The following GALNT17 variants were observed in gnomAD, a reference collection of about 807,000 sequenced individuals.
The protein encoded by GALNT17 is UDP-GalNAc:polypeptide N-acetylgalactosaminyltransferase-like 3.
GALNT17 carries 29 observed loss-of-function variants against 63.7 expected under a neutral mutation model. The ratio of observed to expected loss-of-function variants is 0.46; its 90% CI spans 0.34 to 0.62. The LOEUF (loss-of-function observed/expected upper bound fraction) is 0.62, where lower values mean the gene tolerates loss of function less well. GALNT17 is among the 20% of genes least tolerant of loss of function. The probability of loss-of-function intolerance (pLI) is 0.01; values close to 1 mark genes in which losing one functional copy is unlikely to be tolerated. For synonymous variants in GALNT17, 305 were observed against 318.3 expected (o/e 0.96, Z 0.45); for missense variants, 603 against 799.6 (o/e 0.75, Z 2.97).
chr7:71,509,290 T>A (rs542863961), intron 5 of GALNT17, among the ~76,000 whole-genome samples: 1 of 152,342 alleles, frequency 6.6e-6, no homozygotes, highest in East Asian at 1.9e-4. Flanking sequence ...TAGGCTAAGC[T>A]GTGATATTCT....
At chr7:71,570,589 G>A (rs939464108) in intron 5 of GALNT17, among the ~76,000 whole-genome samples, 1 of 152,092 alleles carries the variant, frequency 6.6e-6, no homozygotes. Context: ...AGCAGGGACC[G>A]CTTCCTATGT....
intron 1 of GALNT17, among the ~76,000 whole-genome samples, chr7:71,320,888 T>G (rs1262958803): frequency 6.6e-6 from 1 of 152,244 alleles, no homozygotes; most frequent in Non-Finnish European, 1.5e-5. Context: ...AAATCTCTAA[T>G]CACTGGGGAT....
chr7:71,217,395 T>C (rs1789504958), intron 1 of GALNT17, among the ~76,000 whole-genome samples: 2 of 152,138 alleles, frequency 1.3e-5, no homozygotes, highest in Admixed American at 1.3e-4. Flanking sequence ...TGTGTTTAGT[T>C]TTCATGAGCC....
chr7:71,690,593 G>T (rs190215844), intron 9 of GALNT17, among the ~76,000 whole-genome samples: 1 of 152,278 alleles, frequency 6.6e-6, no homozygotes, highest in African/African-American at 2.4e-5. Flanking sequence ...CTTCTCATGG[G>T]TCTGGCCAAA....
chr7:71,665,518 G>C lies in GALNT17; in HGVS notation c.1188G>C (p.Arg396Ser). 6.2e-7 allele frequency: 1 copy of C among 1,614,008 alleles called. No homozygotes were observed. Among genetic ancestry groups the C allele is most frequent in the Non-Finnish European group, 8.5e-7 (1 of 1,180,006 alleles). Residue 396 changes from arginine to serine, a missense_variant, in exon 7 of 11, where the codon AGG becomes AGC. Around this residue, in one of 3 missense-constraint regions of GALNT17, gnomAD observed 336 missense variants for 507.8 expected, o/e 0.66. Coordinates refer to ENST00000333538, the MANE Select transcript of GALNT17 (RefSeq NM_022479.3). ...GCAACATTGGCTTCTACACCAAGAG[G>C]AATGCTCTTCGCGTTGCTGAGGTCT... ...YNSNIGFYTK[R>S]NALRVAEVWM... is the part of the protein sequence containing the mutation.
intron 7 of GALNT17, among the ~76,000 whole-genome samples, chr7:71,668,315 G>A (rs538257890): frequency 4.0e-4 from 61 of 151,972 alleles, no homozygotes; most frequent in African/African-American, 1.2e-3. Context: ...TTGGGAGTTC[G>A]AGACCAGCCT....
In GALNT17 at chr7:71,500,547, G is replaced by A. The variant is rs115108411; in HGVS notation, c.963-70738G>A. ...TTTGTTCTCAGCCATCCAATCTTAT[G>A]GCTACACCTCCAGAGCTTGTCATTA... On this transcript the variant is annotated intron_variant, in intron 5 of 10. Coordinates refer to ENST00000333538, the MANE Select transcript of GALNT17 (RefSeq NM_022479.3). Among the ~76,000 whole-genome samples the A allele has an allele frequency of 8.0e-3, 1,221 of 152,154 alleles. 14 individuals are homozygous for A. Among genetic ancestry groups the A allele is most frequent in the African/African-American group, 0.028 (1,178 of 41,510 alleles).
chr7:71,544,438 G>A (rs974270290), intron 5 of GALNT17, among the ~76,000 whole-genome samples: 5 of 151,754 alleles, frequency 3.3e-5, no homozygotes, highest in African/African-American at 9.7e-5. Context: ...CACCACACCC[G>A]GCCAAGGCAT....
intron 1 of GALNT17, among the ~76,000 whole-genome samples, chr7:71,166,367 A>G (rs1788440756): frequency 6.6e-6 from 1 of 152,212 alleles, no homozygotes; most frequent in Non-Finnish European, 1.5e-5. Context: ...TTGACATACT[A>G]AAAACTGCAC....
chr7:71,394,657 TG>T (rs1286781319), intron 3 of GALNT17, among the ~76,000 whole-genome samples: 1 of 152,160 alleles, frequency 6.6e-6, no homozygotes, highest in African/African-American at 2.4e-5. Context: ...CCTTGATCTT[TG>T]TTTGGGTGAC....
chr7:71,621,573 G>GGATGGATGGATA (rs1790295871), intron 6 of GALNT17, among the ~76,000 whole-genome samples: 1 of 151,506 alleles, frequency 6.6e-6, no homozygotes, highest in African/African-American at 2.4e-5. Context: ...ATGGATGGAT[G>GGATGGATGGATA]GATGGATGGA....
chr7:71,551,582 G>A lies in GALNT17; in HGVS notation c.963-19703G>A, dbSNP rs147963716. On this transcript the variant is annotated intron_variant, in intron 5 of 10. Coordinates refer to ENST00000333538, the MANE Select transcript of GALNT17 (RefSeq NM_022479.3). ...AGTTATGTATAGCCTGGGCAACATA[G>A]TGAAATACTGTCTCTTAAAAAAAAT... Among the ~76,000 whole-genome samples, 111 of 152,118 alleles carry A rather than the reference G, an allele frequency of 7.3e-4. 1 individual carries two copies. The highest frequency in any genetic ancestry group is 2.6e-3 in the African/African-American group (106 of 41,478).
At chr7:71,483,619 A>G (rs1583992423) in intron 5 of GALNT17, among the ~76,000 whole-genome samples, 1 of 149,560 alleles carries the variant, frequency 6.7e-6, no homozygotes, top group Middle Eastern at 3.5e-3. Context: ...GTGCAGTGGC[A>G]TTATCTGCTC....
At chr7:71,609,727 G>A (rs1261418307) in intron 6 of GALNT17, among the ~76,000 whole-genome samples, 2 of 151,896 alleles carry the variant, frequency 1.3e-5, no homozygotes, top group Admixed American at 1.3e-4. Context: ...TATACTATAT[G>A]TATATAGTGT....
intron 1 of GALNT17, among the ~76,000 whole-genome samples, chr7:71,282,085 C>A (rs536550129): frequency 2.1e-4 from 32 of 152,340 alleles, no homozygotes; most frequent in African/African-American, 7.7e-4. Context: ...ATCCCTGAAT[C>A]TTGCTTTCAT....
intron 6 of GALNT17, among the ~76,000 whole-genome samples, chr7:71,650,281 A>G (rs542508475): frequency 3.7e-4 from 56 of 152,184 alleles, no homozygotes; most frequent in African/African-American, 1.3e-3. Flanking sequence ...AGTCTCACTC[A>G]CTCTGTCGCC....
intron 1 of GALNT17, among the ~76,000 whole-genome samples, chr7:71,142,922 C>T (rs6963065): frequency 0.064 from 8,784 of 137,846 alleles, 318 homozygotes; most frequent in East Asian, 0.12. Flanking sequence ...GCCTGGGCGA[C>T]AGGGCGAGAC....
At chr7:71,638,086 C>T (rs1194439966) in intron 6 of GALNT17, among the ~76,000 whole-genome samples, 4 of 152,198 alleles carry the variant, frequency 2.6e-5, no homozygotes, top group Admixed American at 6.5e-5. Context: ...CCCCTTTTTA[C>T]ACCATAGAGG....
chr7:71,358,153 C>T (rs760559536), intron 2 of GALNT17, among the ~76,000 whole-genome samples: 15 of 152,152 alleles, frequency 9.9e-5, no homozygotes, highest in Non-Finnish European at 2.1e-4. Flanking sequence ...CCATGAAGAT[C>T]CGCGGCTCCA....
Sources: allele counts gnomAD v4.1 joint callset (sites outside exome capture counted in the v4.1 genomes callset), GRCh38; gene constraint gnomAD v4.1.1; regional missense constraint gnomAD v4.1.1; transcripts MANE v1.5; gene names NCBI Gene and HGNC (gene_info 2026-07-23, HGNC 2026-07-21).